The following ZNF229 variants were observed in gnomAD, a reference collection of about 807,000 sequenced individuals.
The protein encoded by ZNF229 is zinc finger protein 229.
Under a neutral mutation model 11.8 loss-of-function variants are expected in ZNF229, and 10 were observed. The observed-to-expected ratio is 0.85, with a 90% CI of 0.52 to 1.44. ZNF229 has a LOEUF of 1.44. ZNF229 is among the 40% of genes most tolerant of loss of function. The pLI is 0.00. For synonymous variants in ZNF229, 368 were observed against 374.8 expected (o/e 0.98, Z 0.21); for missense variants, 1,045 against 1,015.1 (o/e 1.03, Z -0.40).
rs925973410 is a variant in ZNF229, at chr19:44,448,455, C to T, written c.-412G>A. Reference sequence around the variant, plus strand: ...CGTCTCTAAGACGCCTCACCACTGCCTAAGAAGCAATCAAGGTGACGCGCC... The same window carrying T: ...CGTCTCTAAGACGCCTCACCACTGCTTAAGAAGCAATCAAGGTGACGCGCC... On this transcript the variant is annotated 5_prime_UTR_variant, in exon 1 of 6. Transcript: ENST00000614049. The T allele has an allele frequency of 6.6e-6, 1 of 152,232 alleles. No individual in the cohort carries two copies. The highest frequency in any genetic ancestry group is 1.5e-5 in the Non-Finnish European group (1 of 68,054). The allele number at this position is 152,232 out of a possible 1,614,324, so 9.4% of individuals were successfully genotyped here. A position where few individuals can be genotyped will look rare whatever the true frequency, so the allele number is the denominator to read the frequency against.
Position 44,428,480 on chromosome 19 carries a change from G to C in ZNF229, c.2301C>G (p.Pro767=). The C allele has an allele frequency of 6.2e-7, 1 of 1,613,982 alleles. No individual in the cohort carries two copies. The highest frequency in any genetic ancestry group is 8.5e-7 in the Non-Finnish European group (1 of 1,179,988). Residue 767 remains proline (P), a synonymous_variant, in exon 6 of 6, where the codon CCC becomes CCG. Coordinates refer to ENST00000614049, the MANE Select transcript of ZNF229 (RefSeq NM_014518.4). ...GHQRVHTGEK[P]YKCEECGKGF... ...CCTTCCCACACTCCTCACATTTATA[G>C]GGTTTCTCACCAGTGTGGACCCTCT... is the stretch of plus-strand genomic sequence containing the variant.
At chr19:44,431,904 C>A (rs1295537967) in intron 5 of ZNF229, 9 of 721,210 alleles carry the variant, frequency 1.2e-5, no homozygotes, top group Non-Finnish European at 1.6e-5. Flanking sequence ...GGAGGTGGAA[C>A]CCCCAGGAAA....
Position 44,442,927 on chromosome 19 carries a change from T to C in ZNF229, c.-80A>G, listed in dbSNP as rs948700727. On this transcript the variant is annotated 5_prime_UTR_variant, in exon 3 of 6. Coordinates refer to ENST00000614049, the MANE Select transcript of ZNF229 (RefSeq NM_014518.4). ...TTTCCTAAGCTGGAGACGCAGAAGA[T>C]CCAGGCCTTTTTCATTCCGGAAACT... 2.7e-5 allele frequency: 41 copies of C among 1,542,014 alleles called. No individual in the cohort carries two copies. Among genetic ancestry groups the C allele is most frequent in the Non-Finnish European group, 1.4e-5 (16 of 1,115,714 alleles).
At chr19:44,439,081 C>G (rs182468068) in intron 4 of ZNF229, among the ~76,000 whole-genome samples, 1 of 152,128 alleles carries the variant, frequency 6.6e-6, no homozygotes, top group Non-Finnish European at 1.5e-5. Flanking sequence ...TGGGATCTGA[C>G]ACTACCTCCG....
intron 1 of ZNF229, 127 bp downstream of exon 1, chr19:44,448,182 T>A (rs1398161952): frequency 1.3e-5 from 2 of 152,152 alleles, no homozygotes; most frequent in African/African-American, 4.8e-5. Flanking sequence ...GCAGATCTCA[T>A]CTCAAAGCCA....
chr19:44,443,379 T>C (rs1971949796), intron 2 of ZNF229, among the ~76,000 whole-genome samples: 1 of 152,016 alleles, frequency 6.6e-6, no homozygotes, highest in Non-Finnish European at 1.5e-5. Context: ...TTGCAAAAAA[T>C]AAAATACAAT....
chr19:44,445,847 C>T (rs1316212536), intron 2 of ZNF229, among the ~76,000 whole-genome samples: 3 of 152,192 alleles, frequency 2.0e-5, no homozygotes, highest in East Asian at 3.8e-4. Flanking sequence ...ACTCAGCTTG[C>T]TGATATGGAT....
rs1167111771 is a variant in ZNF229 at position 44,427,447 on chromosome 19, A to C, written c.*856T>G. ...TTAAGATGACTCAGAACCTATTTTT[A>C]ACCATCTCTAAGAAATATTACTGAG... is the stretch of plus-strand genomic sequence containing the variant. On this transcript the variant is annotated 3_prime_UTR_variant, in exon 6 of 6. Transcript: ENST00000614049. 1 of 152,014 alleles carries C rather than the reference A, an allele frequency of 6.6e-6. No individual in the cohort carries two copies. Among genetic ancestry groups the C allele is most frequent in the Non-Finnish European group, 1.5e-5 (1 of 68,022 alleles). 9.4% of individuals were successfully genotyped at this position (152,014 alleles called of 1,614,324 possible). A position where few individuals can be genotyped will look rare whatever the true frequency, so the allele number is the denominator to read the frequency against.
Position 44,430,447 on chromosome 19 carries a change from C to T in ZNF229, c.334G>A (p.Val112Met), listed in dbSNP as rs1432295882. ...ELSSCKIWEE[V>M]AGELPGSQDC... The stretch of plus-strand genomic sequence containing the variant: ...TGGCTCCCAGGTAATTCACCTGCCA[C>T]CTCTTCCCAGATTTTGCATGAGGAG... Residue 112 changes from valine (V) to methionine (M), a missense_variant, in exon 6 of 6, where the codon GTG becomes ATG. Transcript: ENST00000614049. 1.2e-6 allele frequency: 2 copies of T among 1,614,004 alleles called. No homozygotes were observed. Among genetic ancestry groups the T allele is most frequent in the African/African-American group, 1.3e-5 (1 of 74,868 alleles).
rs1412475363 is a variant in ZNF229, at chr19:44,426,975, C to T, written c.*1328G>A. Reference sequence around the variant, plus strand: ...CACAGTTCCACATGGCTGGGGAGGCCTCCGAAAACTTAGTCATGGCAGAAC... The same window carrying T: ...CACAGTTCCACATGGCTGGGGAGGCTTCCGAAAACTTAGTCATGGCAGAAC... On this transcript the variant is annotated 3_prime_UTR_variant, in exon 6 of 6. Transcript: ENST00000614049. 1 of 152,100 alleles carries T rather than the reference C, an allele frequency of 6.6e-6. No individual in the cohort carries two copies. The highest frequency in any genetic ancestry group is 2.4e-5 in the African/African-American group (1 of 41,356). The allele number at this position is 152,100 out of a possible 1,614,324, so 9.4% of individuals were successfully genotyped here.
chr19:44,428,120 A>AGC lies in ZNF229; in HGVS notation c.*182_*183insGC. Reference sequence around the variant, plus strand: ...CAGACTCTTAAAGACTGAAGTTTGTAACTGAAGTGCTAACCTATTTATCAC... The same window carrying AGC: ...CAGACTCTTAAAGACTGAAGTTTGTAGCACTGAAGTGCTAACCTATTTATCAC... On this transcript the variant is annotated 3_prime_UTR_variant, in exon 6 of 6. Transcript: ENST00000614049. The AGC allele has an allele frequency of 1.6e-6, 1 of 627,510 alleles. No homozygotes were observed. Among genetic ancestry groups the AGC allele is most frequent in the Non-Finnish European group, 2.7e-6 (1 of 374,682 alleles). The allele number at this position is 627,510 out of a possible 1,614,324, so 38.9% of individuals were successfully genotyped here.
In ZNF229 at chr19:44,430,231, T is replaced by A; in HGVS notation, c.550A>T (p.Ile184Phe). ...AACGCTTTTGCCCAAGATCCTTGAA[T>A]GGGGATTGGTCTTATAGCTCTCCAG... is the stretch of plus-strand genomic sequence containing the variant. ...PAWRAIRPIP[I>F]QGSWAKAFVN... The change falls in exon 6 of 6, where the codon ATT (isoleucine) becomes TTT (phenylalanine). Residue 184 changes from isoleucine (I) to phenylalanine (F), a missense_variant. By Grantham distance (21) the Ile-to-Phe change is conservative. Transcript: ENST00000614049. 1.9e-6 allele frequency: 3 copies of A among 1,614,164 alleles called. No individual in the cohort carries two copies. The highest frequency in any genetic ancestry group is 2.5e-6 in the Non-Finnish European group (3 of 1,180,038).
intron 4 of ZNF229, among the ~76,000 whole-genome samples, chr19:44,438,573 G>A (rs12977016): frequency 0.27 from 40,836 of 152,122 alleles, 6,834 homozygotes; most frequent in South Asian, 0.48. Context: ...CTATGCTAAT[G>A]GGTTGACTAG....
intron 4 of ZNF229, among the ~76,000 whole-genome samples, chr19:44,437,127 G>C (rs1448611326): frequency 2.6e-5 from 4 of 151,918 alleles, no homozygotes; most frequent in Non-Finnish European, 4.4e-5. Context: ...AGTTATACTA[G>C]GGATAAAACA....
At chr19:44,444,017 A>G (rs1032821486) in intron 2 of ZNF229, among the ~76,000 whole-genome samples, 1 of 152,026 alleles carries the variant, frequency 6.6e-6, no homozygotes, top group Non-Finnish European at 1.5e-5. Context: ...CACGGCCTCC[A>G]TGGTCAGATC....
At chr19:44,446,640 T>C (rs1336284410) in intron 2 of ZNF229, among the ~76,000 whole-genome samples, 2 of 152,172 alleles carry the variant, frequency 1.3e-5, no homozygotes, top group Non-Finnish European at 2.9e-5. Context: ...AACTCATGCA[T>C]TTAGTAAATG....
At chr19:44,431,478 T>C (rs1971721833) in intron 5 of ZNF229, among the ~76,000 whole-genome samples, 4 of 152,142 alleles carry the variant, frequency 2.6e-5, no homozygotes, top group Admixed American at 2.6e-4. Context: ...TGGGACAGTC[T>C]CTGCCACTGG....
intron 2 of ZNF229, among the ~76,000 whole-genome samples, chr19:44,443,329 C>A (rs1320304303): frequency 6.6e-6 from 1 of 152,090 alleles, no homozygotes; most frequent in East Asian, 1.9e-4. Flanking sequence ...TGAAGAAACA[C>A]CTGGAGAGGA....
rs199982593 is a variant in ZNF229 at position 44,428,843 on chromosome 19, G to A, written c.1938C>T (p.His646=). The change falls in exon 6 of 6, where the codon CAC becomes CAT. Residue 646 remains histidine, a synonymous_variant. Transcript: ENST00000614049. The part of the protein sequence containing the change: ...GFSYSSGLLI[H]QRVHTGEKPY... Reference sequence around the variant, plus strand: ...GTTTCTCGCCTGTGTGGACTCTCTGGTGAATGAGAAGCCCTGAGCTGTAAC... The same window carrying A: ...GTTTCTCGCCTGTGTGGACTCTCTGATGAATGAGAAGCCCTGAGCTGTAAC... 2.6e-4 allele frequency: 413 copies of A among 1,611,900 alleles called. No homozygotes were observed. Among genetic ancestry groups the A allele is most frequent in the Non-Finnish European group, 3.3e-4 (386 of 1,179,554 alleles).
Sources: allele counts gnomAD v4.1 joint callset (sites outside exome capture counted in the v4.1 genomes callset), GRCh38; gene constraint gnomAD v4.1.1; transcripts MANE v1.5; gene names NCBI Gene and HGNC (gene_info 2026-07-23, HGNC 2026-07-21).